The following TM9SF4 variants were observed in gnomAD, a reference collection of about 807,000 sequenced individuals.
TM9SF4 encodes the protein dinucleotide oxidase disulfide thiol exchanger 3 superfamily member 4.
A neutral mutation model predicts 90.4 loss-of-function variants in TM9SF4; 26 were observed. That is an observed-to-expected ratio of 0.29 (90% CI 0.21 to 0.40). The LOEUF (loss-of-function observed/expected upper bound fraction) is 0.40. Among genes scored for constraint, TM9SF4 ranks in the 10% least tolerant of loss-of-function variants. The pLI, the probability that TM9SF4 is intolerant of heterozygous loss-of-function variation, is 1.00. For synonymous variants in TM9SF4, 293 were observed against 315.4 expected, an observed-to-expected ratio of 0.93 and a Z score of 0.75; for missense variants, 549 against 834.8, an observed-to-expected ratio of 0.66 and a Z score of 4.22.
intron 1 of TM9SF4, among the ~76,000 whole-genome samples, chr20:32,122,564 G>A (rs1466812322): frequency 6.6e-6 from 1 of 150,740 alleles, no homozygotes; most frequent in Non-Finnish European, 1.5e-5. Context: ...TCACATCCCA[G>A]ACGATGGGCG....
In TM9SF4 at chr20:32,132,998, C is replaced by T. The variant is rs1355958510; in HGVS notation, c.16-15C>T. 6.2e-7 allele frequency: 1 copy of T among 1,612,356 alleles called. No homozygotes were observed. Among genetic ancestry groups the T allele is most frequent in the Admixed American group, 1.7e-5 (1 of 59,912 alleles). On this transcript the variant is annotated splice_polypyrimidine_tract_variant and intron_variant, in intron 1 of 17. Transcript: ENST00000398022. ...TTCTTCTCCCCAATCCAACCCTGGC[C>T]TCTCTTCTGAGCAGGATTGGTTGCC...
intron 1 of TM9SF4, among the ~76,000 whole-genome samples, chr20:32,128,790 C>CTGTGTGTGTGTG (rs55977888): frequency 0.043 from 6,198 of 145,252 alleles, 155 homozygotes; most frequent in East Asian, 0.066. Flanking sequence ...GTATTCCATT[C>CTGTGTGTGTGTG]TGTGTGTGTG....
At chr20:32,128,905 G>A (rs1201287083) in intron 1 of TM9SF4, among the ~76,000 whole-genome samples, 1 of 151,694 alleles carries the variant, frequency 6.6e-6, no homozygotes, top group Admixed American at 6.6e-5. Flanking sequence ...TGCTGGAAAG[G>A]CACTGGGGCC....
At chr20:32,114,628 C>G (rs1420495315) in intron 1 of TM9SF4, among the ~76,000 whole-genome samples, 1 of 152,176 alleles carries the variant, frequency 6.6e-6, no homozygotes, top group Non-Finnish European at 1.5e-5. Flanking sequence ...TCACTGTGCC[C>G]AGCAAAAACT....
chr20:32,164,296 T>C (rs1481727105), intron 17 of TM9SF4, among the ~76,000 whole-genome samples: 1 of 151,746 alleles, frequency 6.6e-6, no homozygotes, highest in African/African-American at 2.4e-5. Context: ...GGTGGGAGGA[T>C]AACTTAAGTC....
At chr20:32,110,791 C>T (rs1287702201) in intron 1 of TM9SF4, among the ~76,000 whole-genome samples, 2 of 152,114 alleles carry the variant, frequency 1.3e-5, no homozygotes, top group African/African-American at 4.8e-5. Context: ...TGGTGCAGAA[C>T]CTTGGAAGTA....
At chr20:32,133,668 C>T (rs1011903308) in intron 2 of TM9SF4, among the ~76,000 whole-genome samples, 1 of 152,196 alleles carries the variant, frequency 6.6e-6, no homozygotes, top group African/African-American at 2.4e-5. Flanking sequence ...CTCAGGTTGC[C>T]CCCCAAGAAC....
chr20:32,162,410 G>A (rs1359285504), intron 17 of TM9SF4, among the ~76,000 whole-genome samples: 8 of 152,128 alleles, frequency 5.3e-5, no homozygotes, highest in Non-Finnish European at 8.8e-5. Flanking sequence ...CTAGCTCAGG[G>A]GTCAGCAAAC....
At chr20:32,112,115 G>A (rs959183563) in intron 1 of TM9SF4, among the ~76,000 whole-genome samples, 6 of 152,098 alleles carry the variant, frequency 3.9e-5, no homozygotes, top group African/African-American at 1.4e-4. Flanking sequence ...ACAGTGGAAG[G>A]GACAGTGATT....
chr20:32,123,864 A>T (rs530927607), intron 1 of TM9SF4, among the ~76,000 whole-genome samples: 8,037 of 60,100 alleles, frequency 0.13, 622 homozygotes, highest in East Asian at 0.48. Context: ...ATATATATAT[A>T]TATTTTTTTT....
intron 12 of TM9SF4, among the ~76,000 whole-genome samples, chr20:32,151,283 C>T (rs2046836649): frequency 6.6e-6 from 1 of 152,176 alleles, no homozygotes; most frequent in Non-Finnish European, 1.5e-5. Context: ...AGCCCATTTT[C>T]CAGGCTGGTG....
intron 3 of TM9SF4, among the ~76,000 whole-genome samples, chr20:32,139,894 CTTCCT>C (rs1234687559): frequency 6.6e-6 from 1 of 152,364 alleles, no homozygotes; most frequent in East Asian, 1.9e-4. Flanking sequence ...TAACATCTCT[CTTCCT>C]TTCAAGTACC....
intron 8 of TM9SF4, 40 bp downstream of exon 8, chr20:32,145,463 G>C: frequency 2.6e-6 from 4 of 1,568,556 alleles, no homozygotes; most frequent in Non-Finnish European, 3.5e-6. Context: ...GATGGGGGTT[G>C]GGGTTGAGGG....
At chr20:32,116,532 T>C (rs1263830078) in intron 1 of TM9SF4, 2 of 152,298 alleles carry the variant, frequency 1.3e-5, no homozygotes, top group East Asian at 3.8e-4. Context: ...TGTGCGTTTT[T>C]CCCTACCCCC....
At chr20:32,126,880 C>T (rs1020104709) in intron 1 of TM9SF4, among the ~76,000 whole-genome samples, 46 of 152,222 alleles carry the variant, frequency 3.0e-4, no homozygotes, top group African/African-American at 1.1e-3. Context: ...GGATTACAGG[C>T]GCCTGCCACC....
intron 3 of TM9SF4, 83 bp from the exon 4 acceptor site, chr20:32,141,414 G>C: frequency 6.6e-6 from 10 of 1,525,642 alleles, no homozygotes; most frequent in Non-Finnish European, 9.0e-6. Context: ...TGTTTGCCCC[G>C]CAGTCCTGTG....
chr20:32,165,165 C>A, intron 17 of TM9SF4, 130 bp from the exon 18 acceptor site: 1 of 1,233,298 alleles, frequency 8.1e-7, no homozygotes, highest in Non-Finnish European at 1.2e-6. Context: ...CGCTTGCCAC[C>A]CACTGGAGCA....
intron 1 of TM9SF4, among the ~76,000 whole-genome samples, chr20:32,124,973 G>C (rs1276835090): frequency 4.6e-5 from 7 of 152,084 alleles, no homozygotes; most frequent in Non-Finnish European, 1.0e-4. Context: ...ACGTTACTTT[G>C]GTTGATAAAA....
In TM9SF4 at chr20:32,121,743, C is replaced by T. The variant is rs1486864899; in HGVS notation, c.16-11270C>T. ...CACACCTCCCAGACGGGGTGGTGGC[C>T]GGGCAGAGGGGCTCCTCACTTCCCA... On this transcript the variant is annotated intron_variant, in intron 1 of 17. Coordinates refer to ENST00000398022, the MANE Select transcript of TM9SF4 (RefSeq NM_014742.4). 4.6e-5 allele frequency among the ~76,000 whole-genome samples: 7 copies of T among 152,076 alleles called. No individual in the cohort carries two copies. The East Asian group carries it at 1.2e-3, about 25-fold the overall frequency.
Sources: gnomAD v4.1 joint callset for allele counts (sites outside exome capture counted in the v4.1 genomes callset) on GRCh38, gnomAD v4.1.1 for gene constraint, MANE v1.5 for transcripts, NCBI Gene and HGNC (gene_info 2026-07-23, HGNC 2026-07-21) for gene names.